The following SETBP1 variants were observed in gnomAD, a reference collection of about 807,000 sequenced individuals.
SETBP1 encodes the protein SET binding protein 1, also known as SET-binding protein.
SETBP1 carries 9 observed loss-of-function variants against 101.0 expected under a neutral mutation model. That is an observed-to-expected ratio of 0.09 (90% CI 0.05 to 0.16). The LOEUF is 0.16. Among genes scored for constraint, SETBP1 ranks in the 10% least tolerant of loss-of-function variants. SETBP1 has a pLI of 1.00. For synonymous variants in SETBP1, 818 were observed against 788.5 expected, an observed-to-expected ratio of 1.04 and a Z score of -0.63; for missense variants, 1,858 against 2,033.8, an observed-to-expected ratio of 0.91 and a Z score of 1.66.
Position 44,787,860 on chromosome 18 carries a change from C to CAAAAAAAAAAAAAA in SETBP1, c.487-81363_487-81350dup, listed in dbSNP as rs11399627. Among the ~76,000 whole-genome samples, 6 of 9,218 alleles carry CAAAAAAAAAAAAAA rather than the reference C, an allele frequency of 6.5e-4. 1 individual carries two copies. Among genetic ancestry groups the CAAAAAAAAAAAAAA allele is most frequent in the Admixed American group, 1.2e-3 (1 of 842 alleles). 6.0% of individuals were successfully genotyped at this position (9,218 alleles called of 152,430 possible). Reference sequence around the variant, plus strand: ...TGGGCGACAGAGCGAGAGTCCGTCTCAAAAAAAAAAAAAAAAAAAAGAAAA... The same window carrying CAAAAAAAAAAAAAA: ...TGGGCGACAGAGCGAGAGTCCGTCTCAAAAAAAAAAAAAAAAAAAAAAAAAAAAAAAAAAGAAAA... On this transcript the variant is annotated intron_variant, in intron 2 of 5. Coordinates refer to ENST00000649279, the MANE Select transcript of SETBP1 (RefSeq NM_015559.3).
chr18:44,919,780 C>T (rs1350123663), intron 3 of SETBP1, among the ~76,000 whole-genome samples: 1 of 149,282 alleles, frequency 6.7e-6, no homozygotes, highest in Non-Finnish European at 1.5e-5. Flanking sequence ...CATATACACA[C>T]ATACATATGC....
intron 4 of SETBP1, among the ~76,000 whole-genome samples, chr18:44,967,684 TTTTGCTGGCC>T (rs1599387866): frequency 1.3e-5 from 2 of 152,322 alleles, no homozygotes; most frequent in East Asian, 3.9e-4. Flanking sequence ...GTCTGAGGCC[TTTTGCTGGCC>T]TTTGCTTCTA....
chr18:44,752,481 C>A (rs1264602326), intron 2 of SETBP1, among the ~76,000 whole-genome samples: 2 of 152,206 alleles, frequency 1.3e-5, no homozygotes, highest in African/African-American at 4.8e-5. Flanking sequence ...GTATTGAAAT[C>A]TTTAGTTGAG....
intron 3 of SETBP1, among the ~76,000 whole-genome samples, chr18:44,940,656 C>T (rs1410072831): frequency 6.6e-6 from 1 of 152,142 alleles, no homozygotes; most frequent in African/African-American, 2.4e-5. Context: ...TATGTACGCT[C>T]TTATTCTTTG....
At chr18:44,995,135 C>CTTTTTTTTTTT (rs58617770) in intron 4 of SETBP1, among the ~76,000 whole-genome samples, 19 of 95,022 alleles carry the variant, frequency 2.0e-4, no homozygotes, top group Non-Finnish European at 2.8e-4. Context: ...ATGTTATTTA[C>CTTTTTTTTTTT]TTTTTTTTTT....
intron 2 of SETBP1, among the ~76,000 whole-genome samples, chr18:44,730,104 T>C (rs1459829155): frequency 1.3e-5 from 2 of 152,242 alleles, no homozygotes; most frequent in African/African-American, 4.8e-5. Context: ...GCTGAGACCT[T>C]ATCTGCCCTT....
rs531974601 is a variant in SETBP1, at chr18:44,703,348, G to GTTTTTTTTTTTTTTTTTTTTTTTTTTTT, written c.486+1535_486+1562dup. On this transcript the variant is annotated intron_variant, in intron 2 of 5. Coordinates refer to ENST00000649279, the MANE Select transcript of SETBP1 (RefSeq NM_015559.3). ...TCCATAGCATTTCTGTTACCATTAGGTTTTTTTTTTTTTTTTTTTTTTTTT... is the reference window on the plus strand; with the variant it reads ...TCCATAGCATTTCTGTTACCATTAGGTTTTTTTTTTTTTTTTTTTTTTTTTTTTTTTTTTTTTTTTTTTTTTTTTTTTT... Among the ~76,000 whole-genome samples the GTTTTTTTTTTTTTTTTTTTTTTTTTTTT allele has an allele frequency of 9.7e-5, 5 of 51,444 alleles. 1 individual carries two copies. Among genetic ancestry groups the GTTTTTTTTTTTTTTTTTTTTTTTTTTTT allele is most frequent in the Non-Finnish European group, 1.5e-4 (4 of 27,396 alleles). The allele number at this position is 51,444 out of a possible 152,430, so 33.7% of individuals were successfully genotyped here. A position where few individuals can be genotyped will look rare whatever the true frequency, so the allele number is the denominator to read the frequency against.
chr18:44,752,669 G>T (rs2070410715), intron 2 of SETBP1, among the ~76,000 whole-genome samples: 1 of 152,100 alleles, frequency 6.6e-6, no homozygotes, highest in Non-Finnish European at 1.5e-5. Context: ...CTGACTGGGG[G>T]CTCAAAAACA....
chr18:44,981,335 T>C (rs2072108788), intron 4 of SETBP1, among the ~76,000 whole-genome samples: 1 of 152,156 alleles, frequency 6.6e-6, no homozygotes, highest in African/African-American at 2.4e-5. Flanking sequence ...CTTCAGGAGG[T>C]GACTCTAACT....
chr18:44,906,130 C>T (rs2070169876), intron 3 of SETBP1, among the ~76,000 whole-genome samples: 1 of 152,190 alleles, frequency 6.6e-6, no homozygotes, highest in South Asian at 2.1e-4. Flanking sequence ...GATAGGTTCA[C>T]TAATACCAAG....
chr18:44,826,404 T>C (rs979396012), intron 2 of SETBP1, among the ~76,000 whole-genome samples: 1 of 152,162 alleles, frequency 6.6e-6, no homozygotes, highest in African/African-American at 2.4e-5. Flanking sequence ...GGGCCCCTTT[T>C]TGGCCTTTCT....
At chr18:44,985,303 G>A (rs2072208184) in intron 4 of SETBP1, among the ~76,000 whole-genome samples, 1 of 152,222 alleles carries the variant, frequency 6.6e-6, no homozygotes, top group Non-Finnish European at 1.5e-5. Flanking sequence ...GTGCCTCAGA[G>A]CTAAGCAGTA....
rs546363439 is a variant in SETBP1 at position 44,738,633 on chromosome 18, G to A, written c.486+36801G>A. Among the ~76,000 whole-genome samples the A allele has an allele frequency of 3.4e-3, 514 of 152,164 alleles. 3 individuals carry two copies. Among genetic ancestry groups the A allele is most frequent in the African/African-American group, 0.012 (488 of 41,504 alleles). On this transcript the variant is annotated intron_variant, in intron 2 of 5. Coordinates refer to ENST00000649279, the MANE Select transcript of SETBP1 (RefSeq NM_015559.3). Reference sequence around the variant, plus strand: ...TACTAAAAATACAAAAACTAGCTGGGTGTGGTGGCACATGCCTGGAATGCC... The same window carrying A: ...TACTAAAAATACAAAAACTAGCTGGATGTGGTGGCACATGCCTGGAATGCC...
At chr18:45,028,028 T>C (rs1568036811) in intron 4 of SETBP1, among the ~76,000 whole-genome samples, 1 of 152,246 alleles carries the variant, frequency 6.6e-6, no homozygotes, top group East Asian at 1.9e-4. Flanking sequence ...ATTATTATTA[T>C]ACTTTAAGTT....
intron 3 of SETBP1, among the ~76,000 whole-genome samples, chr18:44,897,225 G>T (rs2069926964): frequency 6.6e-6 from 1 of 152,198 alleles, no homozygotes; most frequent in Non-Finnish European, 1.5e-5. Flanking sequence ...GTGGCCCACA[G>T]TCTGTGGCCA....
chr18:45,043,888 A>C (rs1437592755), intron 5 of SETBP1, among the ~76,000 whole-genome samples: 1 of 152,256 alleles, frequency 6.6e-6, no homozygotes, highest in East Asian at 1.9e-4. Context: ...AAATGATGTG[A>C]AAATTGCTTT....
intron 2 of SETBP1, among the ~76,000 whole-genome samples, chr18:44,824,249 T>C (rs2072183760): frequency 6.6e-6 from 1 of 152,188 alleles, no homozygotes; most frequent in South Asian, 2.1e-4. Context: ...AGAGCTCATC[T>C]CAAGCTACCC....
rs191145701 is a variant in SETBP1 at position 44,807,508 on chromosome 18, T to C, written c.487-61722T>C. Among the ~76,000 whole-genome samples, 473 of 152,284 alleles carry C rather than the reference T, an allele frequency of 3.1e-3. 1 individual carries two copies. The highest frequency in any genetic ancestry group is 5.8e-3 in the Non-Finnish European group (397 of 68,012). ...TTTGTTTGTTTTTCTTTGAGATGTT[T>C]CTGGCCGAGAGTACTTAGCAGTTTC... On this transcript the variant is annotated intron_variant, in intron 2 of 5. Coordinates refer to ENST00000649279, the MANE Select transcript of SETBP1 (RefSeq NM_015559.3).
At chr18:44,906,853 A>G (rs2070187536) in intron 3 of SETBP1, among the ~76,000 whole-genome samples, 2 of 152,210 alleles carry the variant, frequency 1.3e-5, no homozygotes, top group South Asian at 4.1e-4. Context: ...TGTTTTTACT[A>G]GCAGCTTTAA....
Sources: gnomAD v4.1 joint callset for allele counts (sites outside exome capture counted in the v4.1 genomes callset) on GRCh38, gnomAD v4.1.1 for gene constraint, MANE v1.5 for transcripts, NCBI Gene and HGNC (gene_info 2026-07-23, HGNC 2026-07-21) for gene names.